Variants in ARMH3 observed in about 807,000 individuals in gnomAD.
The protein encoded by ARMH3 is armadillo like helical domain containing 3, also known as armadillo-like helical domain-containing protein 3.
In ARMH3, 60 loss-of-function variants were observed where a neutral mutation model predicts 99.1. That is an observed-to-expected ratio of 0.61 (90% CI 0.49 to 0.75). The LOEUF (loss-of-function observed/expected upper bound fraction) is 0.75. ARMH3 is among the 30% of genes least tolerant of loss of function. The probability of loss-of-function intolerance (pLI) is 0.00; values close to 1 mark genes in which losing one functional copy is unlikely to be tolerated. For synonymous variants in ARMH3, 285 were observed against 292.8 expected (o/e 0.97, Z 0.27); for missense variants, 679 against 843.1 (o/e 0.81, Z 2.41).
intron 23 of ARMH3, among the ~76,000 whole-genome samples, chr10:101,901,752 G>C (rs1174126430): frequency 2.0e-5 from 3 of 152,174 alleles, no homozygotes; most frequent in Admixed American, 6.5e-5. Flanking sequence ...GAGAAAGCAG[G>C]GGGGCTGGGT....
chr10:101,922,499 G>A (rs1238104600), intron 23 of ARMH3, among the ~76,000 whole-genome samples: 1 of 152,126 alleles, frequency 6.6e-6, no homozygotes. Context: ...TGATCCTCTT[G>A]CCTTGGCCTC....
rs530484223 is a variant in ARMH3, at chr10:102,003,506, A to C, written c.1049-1434T>G. On this transcript the variant is annotated intron_variant, in intron 14 of 25. Coordinates refer to ENST00000370033, the MANE Select transcript of ARMH3 (RefSeq NM_024541.3). ...AGGCTTCCCAAAATTCTAAGACTTT[A>C]AATTAGACTCAGACCTCTTGTTAAG... is the stretch of plus-strand genomic sequence containing the variant. Among the ~76,000 whole-genome samples, 3 of 152,320 alleles carry C rather than the reference A, an allele frequency of 2.0e-5. No homozygotes were observed. In the South Asian group the frequency reaches 6.2e-4, roughly 32 times the overall value.
chr10:101,965,812 T>G (rs1845505465), intron 20 of ARMH3, among the ~76,000 whole-genome samples: 1 of 152,218 alleles, frequency 6.6e-6, no homozygotes, highest in Non-Finnish European at 1.5e-5. Flanking sequence ...AACTCCAAAT[T>G]GGCTACAACT....
In ARMH3 at chr10:102,007,692, G is replaced by T. The variant is rs1316904345; in HGVS notation, c.955-1059C>A. Among the ~76,000 whole-genome samples the T allele has an allele frequency of 8.0e-5, 12 of 149,366 alleles. No individual in the cohort carries two copies. In the East Asian group the frequency reaches 2.3e-3, roughly 29 times the overall value. ...AAAAAAAAAAAAAAAAATTAGCCAG[G>T]TGTGGTGGCAGGCACCTGTAGTCCC... On this transcript the variant is annotated intron_variant, in intron 13 of 25. Transcript: ENST00000370033.
At position 102,055,102 on chromosome 10, in the gene ARMH3, A is replaced by C. The variant is rs960286102; in HGVS notation, c.-12+983T>G. 2.8e-4 allele frequency among the ~76,000 whole-genome samples: 43 copies of C among 151,798 alleles called. No individual in the cohort carries two copies. The East Asian group carries it at 3.9e-3, about 14-fold the overall frequency. On this transcript the variant is annotated intron_variant, in intron 1 of 25. Coordinates refer to ENST00000370033, the MANE Select transcript of ARMH3 (RefSeq NM_024541.3). ...TTTGGGAGGCCGAGGCGGGCGGATC[A>C]CCTGAGGTTGGGAGTTCGAGACCAG...
intron 20 of ARMH3, among the ~76,000 whole-genome samples, chr10:101,973,785 T>C (rs1377532314): frequency 1.3e-5 from 2 of 152,240 alleles, no homozygotes; most frequent in African/African-American, 2.4e-5. Context: ...AAACAACTAC[T>C]ACTACCACCT....
At chr10:101,919,187 T>C (rs1843204826) in intron 23 of ARMH3, among the ~76,000 whole-genome samples, 1 of 151,940 alleles carries the variant, frequency 6.6e-6, no homozygotes, top group South Asian at 2.1e-4. Flanking sequence ...CTCAAAGAAA[T>C]TCCTTTGTTC....
intron 23 of ARMH3, among the ~76,000 whole-genome samples, chr10:101,934,098 A>G (rs192289464): frequency 6.6e-6 from 1 of 152,340 alleles, no homozygotes; most frequent in East Asian, 1.9e-4. Context: ...ATTTCCTGTG[A>G]CATTCAGAAT....
chr10:102,034,648 G>A (rs1405953533), intron 2 of ARMH3, among the ~76,000 whole-genome samples: 26 of 146,860 alleles, frequency 1.8e-4, no homozygotes, highest in Non-Finnish European at 3.5e-4. Flanking sequence ...AAAAAAAAAA[G>A]AAAAAAAAGA....
chr10:101,966,042 G>A (rs1157443435), intron 20 of ARMH3, among the ~76,000 whole-genome samples: 1 of 151,540 alleles, frequency 6.6e-6, no homozygotes, highest in Non-Finnish European at 1.5e-5. Context: ...GGTTCCCTAA[G>A]TCCCACGTGA....
intron 14 of ARMH3, 146 bp from the exon 15 acceptor site, chr10:102,002,218 C>T: frequency 1.7e-6 from 2 of 1,190,716 alleles, no homozygotes; most frequent in Non-Finnish European, 2.3e-6. Context: ...CATCACAAAA[C>T]TTTTATCTAC....
At chr10:101,916,602 C>T (rs917571147) in intron 23 of ARMH3, among the ~76,000 whole-genome samples, 4 of 152,172 alleles carry the variant, frequency 2.6e-5, no homozygotes. Context: ...TACAGCAAAA[C>T]TTACCCTTTT....
At chr10:102,012,309 T>C (rs904925922) in intron 10 of ARMH3, among the ~76,000 whole-genome samples, 2 of 152,164 alleles carry the variant, frequency 1.3e-5, no homozygotes, top group African/African-American at 4.8e-5. Context: ...TAATGTCAGA[T>C]CCTTCCAGCA....
intron 23 of ARMH3, among the ~76,000 whole-genome samples, chr10:101,896,053 C>T (rs996065930): frequency 2.0e-5 from 3 of 152,056 alleles, no homozygotes; most frequent in African/African-American, 7.2e-5. Flanking sequence ...TGGGGAGACC[C>T]CCATCTCTAC....
chr10:101,971,365 G>C (rs1379357438), intron 20 of ARMH3, among the ~76,000 whole-genome samples: 2 of 151,970 alleles, frequency 1.3e-5, no homozygotes, highest in East Asian at 3.9e-4. Flanking sequence ...GATCACCTAA[G>C]GTCAGAAATT....
intron 20 of ARMH3, among the ~76,000 whole-genome samples, chr10:101,973,991 G>C (rs1382238443): frequency 1.3e-5 from 2 of 152,092 alleles, no homozygotes; most frequent in African/African-American, 4.8e-5. Context: ...ATTAAAAGGA[G>C]GTGTTGCTAC....
intron 20 of ARMH3, among the ~76,000 whole-genome samples, chr10:101,966,987 G>C (rs1370628582): frequency 1.3e-5 from 2 of 152,164 alleles, no homozygotes; most frequent in African/African-American, 2.4e-5. Flanking sequence ...CAGCCTCCAG[G>C]AGAGCACAAA....
chr10:102,033,067 G>A lies in ARMH3; in HGVS notation c.265C>T (p.Leu89=). 3 of 1,614,156 alleles carry A rather than the reference G, an allele frequency of 1.9e-6. No individual in the cohort carries two copies. Among genetic ancestry groups the A allele is most frequent in the Non-Finnish European group, 2.5e-6 (3 of 1,180,036 alleles). Residue 89 remains leucine (L), a synonymous_variant, in exon 4 of 26, where the codon CTG becomes TTG. Transcript: ENST00000370033. ...NCLFQHCIQA[L]GEEHPIRVVN... is the part of the protein sequence containing the mutation. ...ACCCGAATTGGATGCTCCTCTCCCA[G>A]AGCCTGGATGCAGTGTTGGAATAAG...
intron 24 of ARMH3, among the ~76,000 whole-genome samples, chr10:101,880,881 T>C (rs2067398885): frequency 6.6e-6 from 1 of 152,170 alleles, no homozygotes; most frequent in Admixed American, 6.6e-5. Flanking sequence ...AGTGCTTCGA[T>C]CCTTTCTGGG....
Sources: gnomAD v4.1 joint callset for allele counts (sites outside exome capture counted in the v4.1 genomes callset) on GRCh38, gnomAD v4.1.1 for gene constraint, MANE v1.5 for transcripts, NCBI Gene and HGNC (gene_info 2026-07-23, HGNC 2026-07-21) for gene names.